MAN1A2: variants seen among roughly 807,000 people sequenced by gnomAD.
MAN1A2 encodes the protein mannosidase alpha class 1A member 2.
A neutral mutation model predicts 75.7 loss-of-function variants in MAN1A2; 26 were observed. The observed-to-expected ratio is 0.34, with a 90% confidence interval of 0.25 to 0.48. The LOEUF (loss-of-function observed/expected upper bound fraction) is 0.48, where lower values mean the gene tolerates loss of function less well. Among genes scored for constraint, MAN1A2 ranks in the 20% least tolerant of loss-of-function variants. The pLI, the probability that MAN1A2 is intolerant of heterozygous loss-of-function variation, is 0.99. For missense variants in MAN1A2, 562 were observed against 775.5 expected (o/e 0.72, Z 3.27); for synonymous variants, 247 against 264.6 (o/e 0.93, Z 0.65).
chr1:117,522,217 A>T lies in MAN1A2; in HGVS notation c.1794-608A>T, dbSNP rs114849638. On this transcript the variant is annotated intron_variant, in intron 12 of 12. Coordinates refer to ENST00000356554, the MANE Select transcript of MAN1A2 (RefSeq NM_006699.5). ...GACAGCAGAGTCCTCATCAGAACCAATATTCCTCCTGAACATAGATAGAAC... is the reference window on the plus strand; with the variant it reads ...GACAGCAGAGTCCTCATCAGAACCATTATTCCTCCTGAACATAGATAGAAC... Among the ~76,000 whole-genome samples the T allele has an allele frequency of 7.4e-3, 1,118 of 151,994 alleles. 18 individuals are homozygous for T. Among genetic ancestry groups the T allele is most frequent in the African/African-American group, 0.026 (1,070 of 41,506 alleles).
At chr1:117,428,138 G>A (rs1343806496) in intron 5 of MAN1A2, among the ~76,000 whole-genome samples, 7 of 149,966 alleles carry the variant, frequency 4.7e-5, no homozygotes, top group East Asian at 3.9e-4. Context: ...GGGGGGGACC[G>A]AGTCTCACTC....
chr1:117,432,902 G>A lies in MAN1A2; in HGVS notation c.856-9329G>A, dbSNP rs987712204. 1.7e-3 allele frequency among the ~76,000 whole-genome samples: 249 copies of A among 147,894 alleles called. 1 individual carries two copies. The highest frequency in any genetic ancestry group is 5.8e-3 in the African/African-American group (238 of 40,774). On this transcript the variant is annotated intron_variant, in intron 5 of 12. Coordinates refer to ENST00000356554, the MANE Select transcript of MAN1A2 (RefSeq NM_006699.5). Reference sequence around the variant, plus strand: ...TAAAAGATATATATATTATATATAAGAATATAAAAGATAAAAGATATATAA... The same window carrying A: ...TAAAAGATATATATATTATATATAAAAATATAAAAGATAAAAGATATATAA...
Position 117,402,384 on chromosome 1 carries a change from A to G in MAN1A2, c.501A>G (p.Ile167Met). Residue 167 changes from isoleucine (I) to methionine (M), a missense_variant, in exon 2 of 13, where the codon ATA becomes ATG. By Grantham distance (10) the Ile-to-Met change is conservative. This residue lies in a region of MAN1A2 where 434 missense variants were observed against 645.7 expected (regional missense o/e 0.67). Transcript: ENST00000356554. ...PPVPIPNLVGIRGGDPEDNDI... is the reference protein window; with the variant it reads ...PPVPIPNLVGMRGGDPEDNDI... ...TCCCTATTCCCAACCTTGTAGGAAT[A>G]CGTGGTGGAGACCCAGAAGATAATG... 1 of 1,613,302 alleles carries G rather than the reference A, an allele frequency of 6.2e-7. No homozygotes were observed.
Position 117,442,242 on chromosome 1 carries a change from T to A in MAN1A2, c.867T>A (p.Ile289=). Residue 289 remains isoleucine, a synonymous_variant, in exon 6 of 13, where the codon ATT becomes ATA. Coordinates refer to ENST00000356554, the MANE Select transcript of MAN1A2 (RefSeq NM_006699.5). ...GTTTTAAATCTCAGATATTCAAGAT[T>A]AAAGCAGTGCAATTGGCTGAGAAAC... ...YYLSGEEIFK[I]KAVQLAEKLL... is the part of the protein sequence containing the mutation. 6.3e-7 allele frequency: 1 copy of A among 1,598,280 alleles called. No homozygotes were observed. Among genetic ancestry groups the A allele is most frequent in the East Asian group, 2.2e-5 (1 of 44,746 alleles).
At chr1:117,376,610 A>C (rs1223592525) in intron 1 of MAN1A2, among the ~76,000 whole-genome samples, 1 of 152,200 alleles carries the variant, frequency 6.6e-6, no homozygotes, top group African/African-American at 2.4e-5. Context: ...AAAAGAGACA[A>C]ATATTTTGAA....
intron 1 of MAN1A2, among the ~76,000 whole-genome samples, chr1:117,375,329 A>T (rs1229418765): frequency 6.6e-6 from 1 of 152,130 alleles, no homozygotes; most frequent in Non-Finnish European, 1.5e-5. Context: ...AAGGACTATA[A>T]TTTCCTAACC....
chr1:117,385,273 C>G (rs932257432), intron 1 of MAN1A2, among the ~76,000 whole-genome samples: 1 of 152,174 alleles, frequency 6.6e-6, no homozygotes, highest in African/African-American at 2.4e-5. Flanking sequence ...GAGACAAGCT[C>G]TCTTCACCTG....
chr1:117,398,808 G>T (rs1647310005), intron 1 of MAN1A2, among the ~76,000 whole-genome samples: 1 of 152,096 alleles, frequency 6.6e-6, no homozygotes, highest in South Asian at 2.1e-4. Context: ...TAATATAATA[G>T]AATTCCTTAG....
At chr1:117,382,662 C>G (rs535901737) in intron 1 of MAN1A2, among the ~76,000 whole-genome samples, 1 of 152,006 alleles carries the variant, frequency 6.6e-6, no homozygotes. Flanking sequence ...CTTGGCGATG[C>G]GGGCTCTTTT....
At chr1:117,516,951 C>T (rs960792354) in intron 12 of MAN1A2, among the ~76,000 whole-genome samples, 11 of 152,102 alleles carry the variant, frequency 7.2e-5, no homozygotes, top group African/African-American at 2.4e-4. Flanking sequence ...AAAGAATCAT[C>T]CTAGAGGATT....
chr1:117,473,029 G>C (rs888099270), intron 8 of MAN1A2, among the ~76,000 whole-genome samples: 4 of 151,832 alleles, frequency 2.6e-5, no homozygotes, highest in African/African-American at 9.7e-5. Flanking sequence ...TAGAACTCTA[G>C]TCCTCACCTT....
chr1:117,480,468 C>T (rs979914743), intron 8 of MAN1A2, among the ~76,000 whole-genome samples: 1 of 151,652 alleles, frequency 6.6e-6, no homozygotes, highest in Non-Finnish European at 1.5e-5. Flanking sequence ...TGTATTTTGT[C>T]CAAAGTTTTT....
intron 12 of MAN1A2, among the ~76,000 whole-genome samples, chr1:117,511,940 T>C (rs1056470937): frequency 3.3e-5 from 5 of 152,134 alleles, no homozygotes; most frequent in African/African-American, 9.7e-5. Context: ...TCATATACTA[T>C]GTATTTCAGT....
intron 2 of MAN1A2, 52 bp downstream of exon 2, chr1:117,402,493 A>C: frequency 6.8e-7 from 1 of 1,466,998 alleles, no homozygotes; most frequent in East Asian, 2.3e-5. Context: ...GTATTTGGAT[A>C]CAAACAAATA....
chr1:117,379,147 T>G (rs1653250290), intron 1 of MAN1A2, among the ~76,000 whole-genome samples: 1 of 152,108 alleles, frequency 6.6e-6, no homozygotes. Flanking sequence ...TTAATCTACT[T>G]GTTGATTTTT....
intron 3 of MAN1A2, among the ~76,000 whole-genome samples, chr1:117,408,472 G>GGT (rs75129243): frequency 0.16 from 23,933 of 151,048 alleles, 2,016 homozygotes; most frequent in South Asian, 0.22. Context: ...TTATTTTCCA[G>GGT]GTGTGTGTGT....
intron 5 of MAN1A2, among the ~76,000 whole-genome samples, chr1:117,437,629 A>G (rs768747147): frequency 1.3e-4 from 20 of 152,126 alleles, no homozygotes; most frequent in Non-Finnish European, 2.9e-4. Flanking sequence ...TAACTGCTTA[A>G]CTACCTGTAT....
chr1:117,436,158 T>A (rs1648841726), intron 5 of MAN1A2, among the ~76,000 whole-genome samples: 1 of 152,196 alleles, frequency 6.6e-6, no homozygotes, highest in Non-Finnish European at 1.5e-5. Context: ...AAAGATTAAT[T>A]AGGTATAAAG....
chr1:117,451,711 T>C (rs572590589), intron 6 of MAN1A2, among the ~76,000 whole-genome samples: 10 of 152,240 alleles, frequency 6.6e-5, no homozygotes, highest in Non-Finnish European at 1.0e-4. Context: ...CCATGTGAGA[T>C]GTGCCTTTCA....
Sources: gnomAD v4.1 joint callset for allele counts (sites outside exome capture counted in the v4.1 genomes callset) on GRCh38, gnomAD v4.1.1 for gene constraint, gnomAD v4.1.1 regional missense constraint, MANE v1.5 for transcripts, NCBI Gene and HGNC (gene_info 2026-07-23, HGNC 2026-07-21) for gene names.